POC5: variants seen among roughly 807,000 people sequenced by gnomAD.
The protein encoded by POC5 is POC5 centriolar protein.
Under a neutral mutation model 62.9 loss-of-function variants are expected in POC5, and 48 were observed. That is an observed-to-expected ratio of 0.76 (90% CI 0.61 to 0.97). The LOEUF is 0.97. Ranked by LOEUF, POC5 falls within the 50% of genes least tolerant of loss-of-function variation. The pLI, the probability that POC5 is intolerant of heterozygous loss-of-function variation, is 0.00. For synonymous variants in POC5, 236 were observed against 228.2 expected (o/e 1.03, Z -0.31); for missense variants, 696 against 679.5 (o/e 1.02, Z -0.27).
chr5:75,707,534 G>A (rs1429507693), intron 3 of POC5: 1 of 444,884 alleles, frequency 2.2e-6, no homozygotes, highest in African/African-American at 2.0e-5. Flanking sequence ...AGAGTCAAAT[G>A]AAGTTCAAAG....
chr5:75,701,163 G>A lies in POC5; in HGVS notation c.513+1442C>T, dbSNP rs544031447. Among the ~76,000 whole-genome samples the A allele has an allele frequency of 2.2e-3, 308 of 138,598 alleles. 11 individuals carry two copies. The highest frequency in any genetic ancestry group is 7.6e-3 in the African/African-American group (297 of 38,912). 90.9% of individuals were successfully genotyped at this position (138,598 alleles called of 152,430 possible). On this transcript the variant is annotated intron_variant, in intron 5 of 11. Coordinates refer to ENST00000428202, the MANE Select transcript of POC5 (RefSeq NM_001099271.2). ...CAACCATTGTGGAAGTCAGTGTGGCGATTCCTCAGGGATCTAGAACTACAA... is the reference window on the plus strand; with the variant it reads ...CAACCATTGTGGAAGTCAGTGTGGCAATTCCTCAGGGATCTAGAACTACAA...
intron 2 of POC5, among the ~76,000 whole-genome samples, chr5:75,709,923 G>T (rs1286603048): frequency 6.6e-6 from 1 of 152,210 alleles, no homozygotes; most frequent in Non-Finnish European, 1.5e-5. Context: ...TGGCCACCCA[G>T]CTACATTTCC....
intron 11 of POC5, among the ~76,000 whole-genome samples, chr5:75,675,187 C>T (rs1456915601): frequency 6.6e-6 from 1 of 152,174 alleles, no homozygotes; most frequent in Non-Finnish European, 1.5e-5. Context: ...ACACACGTGA[C>T]TTACTTGACA....
chr5:75,702,575 A>G (rs1287416917), intron 5 of POC5, 30 bp downstream of exon 5: 4 of 1,581,154 alleles, frequency 2.5e-6, no homozygotes, highest in Non-Finnish European at 2.6e-6. Context: ...CATACTAAAC[A>G]ACTGTAATTG....
At chr5:75,698,807 T>C (rs560166003) in intron 5 of POC5, among the ~76,000 whole-genome samples, 1 of 151,994 alleles carries the variant, frequency 6.6e-6, no homozygotes, top group South Asian at 2.1e-4. Flanking sequence ...TGAACAAAAT[T>C]GATAGACTGC....
At chr5:75,676,581 T>A (rs1050433103) in intron 11 of POC5, among the ~76,000 whole-genome samples, 2 of 151,870 alleles carry the variant, frequency 1.3e-5, no homozygotes, top group African/African-American at 2.4e-5. Context: ...TCCATATACT[T>A]TTTTTTTGCT....
chr5:75,710,556 T>C (rs1777301286), intron 2 of POC5, among the ~76,000 whole-genome samples: 1 of 152,202 alleles, frequency 6.6e-6, no homozygotes, highest in African/African-American at 2.4e-5. Flanking sequence ...GGAAAGGCCA[T>C]GCAAAGATAC....
chr5:75,685,214 T>C lies in POC5; in HGVS notation c.1400A>G (p.Glu467Gly). 1 of 1,610,152 alleles carries C rather than the reference T, an allele frequency of 6.2e-7. No homozygotes were observed. Among genetic ancestry groups the C allele is most frequent in the Non-Finnish European group, 8.5e-7 (1 of 1,178,010 alleles). ...TGTATAAACTGTACTAACCATTTCT[T>C]CTGATGCAGCAGTAGCTGCAGATCC... is the stretch of plus-strand genomic sequence containing the variant. ...GAGSAATAAS[E>G]EMYVPRVVTS... Residue 467 changes from glutamate to glycine, a missense_variant, in exon 10 of 12, where the codon GAA (glutamate) becomes GGA (glycine). Physicochemically the swap from Glu to Gly is moderately conservative, Grantham distance 98. Transcript: ENST00000428202.
chr5:75,682,517 C>CTTTCTT (rs1775906116), intron 10 of POC5, among the ~76,000 whole-genome samples: 2 of 134,684 alleles, frequency 1.5e-5, no homozygotes, highest in African/African-American at 2.8e-5. Context: ...TTATTTCTTT[C>CTTTCTT]TTTTTTTTTT....
Position 75,694,803 on chromosome 5 carries a change from C to T in POC5, c.542G>A (p.Trp181Ter). The T allele has an allele frequency of 6.4e-7, 1 of 1,560,906 alleles. No homozygotes were observed. The highest frequency in any genetic ancestry group is 8.8e-7 in the Non-Finnish European group (1 of 1,140,000). ...GTGCCAGTCAATAAAATTAAGTCTC[C>T]ATTTACTTAGTTCAGATATGATGTT... ...KTNIISELSKWRLNFIDWHRM... is the reference protein window; with the variant it reads ...KTNIISELSK Residue 181 changes from tryptophan to a stop codon, truncating the protein, a stop_gained, in exon 6 of 12, where the codon TGG becomes TAG. Transcript: ENST00000428202. LOFTEE classifies it high-confidence loss of function.
Position 75,685,500 on chromosome 5 carries a change from T to C in POC5, c.1130-16A>G. 4 of 1,590,808 alleles carry C rather than the reference T, an allele frequency of 2.5e-6. No individual in the cohort carries two copies. The highest frequency in any genetic ancestry group is 3.4e-6 in the Non-Finnish European group (4 of 1,162,296). ...GAGTCTATCCCTATAAATCACAAAT[T>C]AATTCCATTCAAATTCTTCCAGGTT... On this transcript the variant is annotated splice_polypyrimidine_tract_variant and intron_variant, in intron 9 of 11. Coordinates refer to ENST00000428202, the MANE Select transcript of POC5 (RefSeq NM_001099271.2).
At chr5:75,682,258 T>C (rs1775896141) in intron 10 of POC5, among the ~76,000 whole-genome samples, 1 of 152,238 alleles carries the variant, frequency 6.6e-6, no homozygotes. Context: ...ATTCATTCAG[T>C]TCTTCCCATA....
intron 5 of POC5, among the ~76,000 whole-genome samples, chr5:75,700,131 T>G (rs1404646327): frequency 2.6e-5 from 4 of 152,072 alleles, no homozygotes; most frequent in Admixed American, 1.3e-4. Context: ...ATCGTGAAAA[T>G]GGCCATACTG....
At chr5:75,694,560 G>T in intron 6 of POC5, 95 bp downstream of exon 6, 1 of 1,021,990 alleles carries the variant, frequency 9.8e-7, no homozygotes, top group Non-Finnish European at 1.4e-6. Context: ...GATAGAACCT[G>T]TATCTTGTAT....
In POC5 at chr5:75,679,016, G is replaced by T. The variant is rs1775779441; in HGVS notation, c.1408-1066C>A. Among the ~76,000 whole-genome samples, 3 of 152,202 alleles carry T rather than the reference G, an allele frequency of 2.0e-5. No homozygotes were observed. The South Asian group carries it at 6.2e-4, about 32-fold the overall frequency. ...GTCAACTATTCATCTTATTTGCTAA[G>T]AATTGAAAGGATATTAATATTTAAA... is the stretch of plus-strand genomic sequence containing the variant. On this transcript the variant is annotated intron_variant, in intron 10 of 11. Transcript: ENST00000428202.
At chr5:75,712,068 T>A (rs2112214810) in intron 2 of POC5, among the ~76,000 whole-genome samples, 1 of 152,326 alleles carries the variant, frequency 6.6e-6, no homozygotes, top group South Asian at 2.1e-4. Context: ...TATTCAGATA[T>A]TTTCCCAATA....
chr5:75,694,912 T>A, intron 5 of POC5, 81 bp from the exon 6 acceptor site: 1 of 1,026,614 alleles, frequency 9.7e-7, no homozygotes, highest in Non-Finnish European at 1.4e-6. Context: ...AAAGAAACAT[T>A]AAAAAAATCA....
chr5:75,713,277 G>A (rs964236348), intron 1 of POC5, among the ~76,000 whole-genome samples: 1 of 152,212 alleles, frequency 6.6e-6, no homozygotes, highest in Admixed American at 6.5e-5. Context: ...CTAAGACACA[G>A]AACCAAGAGA....
In POC5 at chr5:75,694,716, T is replaced by C; in HGVS notation, c.629A>G (p.Gln210Arg). 6.3e-7 allele frequency: 1 copy of C among 1,597,524 alleles called. No individual in the cohort carries two copies. The highest frequency in any genetic ancestry group is 8.5e-7 in the Non-Finnish European group (1 of 1,172,962). ...TTGCAGCTCCTTCAATTCATTGATC[T>C]GATTACACAGTTGTTTTAAATGTGC... ...HAAHLKQLCN[Q>R]INELKELQKT... Residue 210 changes from glutamine to arginine, a missense_variant, in exon 6 of 12, where the codon CAG (glutamine) becomes CGG (arginine). Transcript: ENST00000428202.
Sources: allele counts gnomAD v4.1 joint callset (sites outside exome capture counted in the v4.1 genomes callset), GRCh38; gene constraint gnomAD v4.1.1; transcripts MANE v1.5; gene names NCBI Gene and HGNC (gene_info 2026-07-23, HGNC 2026-07-21).